Variants in ANK3 observed in about 807,000 individuals in gnomAD.
ANK3 encodes the protein ankyrin-3.
Under a neutral mutation model 370.9 loss-of-function variants are expected in ANK3, and 57 were observed. The observed-to-expected ratio is 0.15, with a 90% confidence interval of 0.12 to 0.19. The LOEUF (loss-of-function observed/expected upper bound fraction) is 0.19. Among genes scored for constraint, ANK3 ranks in the 10% least tolerant of loss-of-function variants. The probability of loss-of-function intolerance (pLI) is 1.00; values close to 1 mark genes in which losing one functional copy is unlikely to be tolerated. For synonymous variants in ANK3, 1,929 were observed against 1,946.3 expected (o/e 0.99, Z 0.23); for missense variants, 4,439 against 5,302.1 (o/e 0.84, Z 5.06).
rs111421789 is a variant in ANK3, at chr10:60,479,821, C to A, written c.96+135365G>T. Among the ~76,000 whole-genome samples the A allele has an allele frequency of 4.8e-3, 728 of 152,224 alleles. 2 individuals are homozygous for A. The highest frequency in any genetic ancestry group is 8.4e-3 in the Non-Finnish European group (571 of 67,996). On this transcript the variant is annotated intron_variant, in intron 2 of 43. Coordinates refer to the ANK3 transcript ENST00000373827. Reference sequence around the variant, plus strand: ...AGCCTCATACACAGCCAAAATTAACCTCCAGAATTTCACAACGCTTTTGAT... The same window carrying A: ...AGCCTCATACACAGCCAAAATTAACATCCAGAATTTCACAACGCTTTTGAT...
chr10:60,389,762 C>T lies in ANK3; in HGVS notation c.-224G>A. On this transcript the variant is annotated 5_prime_UTR_variant, in exon 1 of 44. Transcript: ENST00000280772. ...CATCCTACACCTTCCTCTACCTGAA[C>T]CTTTACAGGAGAGTGCAGCCATCGT... 7.2e-7 allele frequency: 1 copy of T among 1,391,340 alleles called. No homozygotes were observed. Among genetic ancestry groups the T allele is most frequent in the South Asian group, 1.6e-5 (1 of 62,862 alleles). The allele number at this position is 1,391,340 out of a possible 1,614,324, so 86.2% of individuals were successfully genotyped here. A position where few individuals can be genotyped will look rare whatever the true frequency, so the allele number is the denominator to read the frequency against.
intron 1 of ANK3, among the ~76,000 whole-genome samples, chr10:60,675,324 G>A (rs1589009919): frequency 6.6e-6 from 1 of 152,258 alleles, no homozygotes. Context: ...AGGATTCAGG[G>A]TTTGAGGTCA....
intron 2 of ANK3, among the ~76,000 whole-genome samples, chr10:60,460,334 A>T (rs2064851680): frequency 6.6e-6 from 1 of 152,194 alleles, no homozygotes; most frequent in African/African-American, 2.4e-5. Context: ...GGAAAGCAAG[A>T]ATCATTAGAA....
At chr10:60,226,513 A>AT (rs2097154140) in intron 8 of ANK3, among the ~76,000 whole-genome samples, 2 of 51,818 alleles carry the variant, frequency 3.9e-5, no homozygotes, top group East Asian at 1.3e-3. Flanking sequence ...ATATATACAT[A>AT]GTATATATAC....
chr10:60,262,867 T>A (rs2097827216), intron 6 of ANK3, among the ~76,000 whole-genome samples: 1 of 152,190 alleles, frequency 6.6e-6, no homozygotes, highest in African/African-American at 2.4e-5. Flanking sequence ...CACAGCTCTA[T>A]TGCAATACCC....
chr10:60,201,708 CTTTT>C (rs10544317), intron 12 of ANK3, among the ~76,000 whole-genome samples: 8 of 120,270 alleles, frequency 6.7e-5, no homozygotes, highest in Non-Finnish European at 8.8e-5. Context: ...GAAATCACTT[CTTTT>C]TTTTTTTTTT....
chr10:60,226,517 T>TATATACTATATATATAC (rs1555168727), intron 8 of ANK3, among the ~76,000 whole-genome samples: 54 of 44,486 alleles, frequency 1.2e-3, no homozygotes, highest in Non-Finnish European at 1.8e-3. Flanking sequence ...ATACATAGTA[T>TATATACTATATATATAC]ATATACTATA....
chr10:60,303,525 A>C (rs1273513609), intron 1 of ANK3, among the ~76,000 whole-genome samples: 1 of 152,196 alleles, frequency 6.6e-6, no homozygotes, highest in Non-Finnish European at 1.5e-5. Context: ...ATGCAAATCA[A>C]AACCACAATG....
At chr10:60,570,356 G>A (rs1314738033) in intron 2 of ANK3, among the ~76,000 whole-genome samples, 1 of 152,192 alleles carries the variant, frequency 6.6e-6, no homozygotes, top group Admixed American at 6.5e-5. Flanking sequence ...TGTTCATCCA[G>A]AAGACTAACT....
chr10:60,130,470 G>A (rs1020513436), intron 25 of ANK3, among the ~76,000 whole-genome samples: 1 of 152,102 alleles, frequency 6.6e-6, no homozygotes, highest in Non-Finnish European at 1.5e-5. Context: ...AAATTTAACT[G>A]GGCAATGACA....
chr10:60,352,926 G>T (rs1246126416), intron 1 of ANK3, among the ~76,000 whole-genome samples: 1 of 152,074 alleles, frequency 6.6e-6, no homozygotes, highest in Non-Finnish European at 1.5e-5. Flanking sequence ...AGGCAAAAAG[G>T]GATGGAGAAA....
chr10:60,091,554 C>T (rs914116846), intron 28 of ANK3, among the ~76,000 whole-genome samples: 1 of 151,826 alleles, frequency 6.6e-6, no homozygotes, highest in Non-Finnish European at 1.5e-5. Flanking sequence ...GAGAGTTTCT[C>T]GTTTGAACAG....
At chr10:60,353,986 G>A (rs888865561) in intron 1 of ANK3, among the ~76,000 whole-genome samples, 2 of 152,222 alleles carry the variant, frequency 1.3e-5, no homozygotes, top group Non-Finnish European at 2.9e-5. Flanking sequence ...ATATCCACGT[G>A]CAGTCCATGA....
chr10:60,202,942 C>T (rs766785270), intron 12 of ANK3, 60 bp downstream of exon 12: 2 of 1,232,532 alleles, frequency 1.6e-6, no homozygotes, highest in Non-Finnish European at 2.3e-6. Context: ...TAGATAAAAA[C>T]CACCTTTGCC....
At chr10:60,238,112 A>G (rs111775718) in intron 7 of ANK3, among the ~76,000 whole-genome samples, 9 of 152,302 alleles carry the variant, frequency 5.9e-5, no homozygotes, top group African/African-American at 2.2e-4. Context: ...GTGAAGTAGA[A>G]ACAAATCAAA....
chr10:60,313,327 T>C (rs961072095), intron 1 of ANK3, among the ~76,000 whole-genome samples: 1 of 152,202 alleles, frequency 6.6e-6, no homozygotes, highest in Non-Finnish European at 1.5e-5. Flanking sequence ...GGAATAAGCA[T>C]ATTTATGAGA....
chr10:60,168,241 G>T (rs1275630827), intron 21 of ANK3, among the ~76,000 whole-genome samples: 1 of 152,102 alleles, frequency 6.6e-6, no homozygotes, highest in African/African-American at 2.4e-5. Flanking sequence ...GGCCAGGCTG[G>T]CCTCGAACTC....
At chr10:60,733,270 G>A in exon 1 of ANK3, 1 of 1,238,940 alleles carries the variant, frequency 8.1e-7, no homozygotes, top group Non-Finnish European at 1.0e-6. Context: ...CACCTGGGCA[G>A]GAGCGGAGTC....
chr10:60,333,258 T>A (rs1331640937), intron 1 of ANK3, among the ~76,000 whole-genome samples: 1 of 152,134 alleles, frequency 6.6e-6, no homozygotes, highest in Non-Finnish European at 1.5e-5. Flanking sequence ...CATCAACCCG[T>A]CATCTACATT....
Sources: gnomAD v4.1 joint callset for allele counts (sites outside exome capture counted in the v4.1 genomes callset) on GRCh38, gnomAD v4.1.1 for gene constraint, MANE v1.5 for transcripts, NCBI Gene and HGNC (gene_info 2026-07-23, HGNC 2026-07-21) for gene names.